LMF1: variants seen among roughly 807,000 people sequenced by gnomAD.
The protein encoded by LMF1 is transmembrane protein 112.
LMF1 carries 68 observed loss-of-function variants against 60.6 expected under a neutral mutation model. The observed-to-expected ratio is 1.12, with a 90% CI of 0.92 to 1.37. The LOEUF is 1.37. LMF1 is among the 40% of genes most tolerant of loss of function. LMF1 has a pLI of 0.00. For synonymous variants in LMF1, 418 were observed against 324.7 expected (o/e 1.29, Z -3.09); for missense variants, 948 against 767.2 (o/e 1.24, Z -2.78).
At chr16:879,132 A>G (rs1397014499) in intron 6 of LMF1, among the ~76,000 whole-genome samples, 2 of 152,116 alleles carry the variant, frequency 1.3e-5, no homozygotes, top group Non-Finnish European at 2.9e-5. Flanking sequence ...CCTCACCCAC[A>G]TGGAGGCAAA....
chr16:910,066 A>G (rs2071068871), intron 4 of LMF1, among the ~76,000 whole-genome samples: 1 of 152,232 alleles, frequency 6.6e-6, no homozygotes. Context: ...ATTCCAGCCC[A>G]AAATGAAAAT....
chr16:947,041 A>G (rs962298921), intron 2 of LMF1, among the ~76,000 whole-genome samples: 2 of 152,232 alleles, frequency 1.3e-5, no homozygotes, highest in Admixed American at 1.3e-4. Flanking sequence ...CAGGAGTCAG[A>G]TATCACAGAC....
At chr16:893,738 A>G (rs1284504300) in intron 4 of LMF1, among the ~76,000 whole-genome samples, 1 of 152,000 alleles carries the variant, frequency 6.6e-6, no homozygotes, top group Non-Finnish European at 1.5e-5. Flanking sequence ...GTCGGCTCCC[A>G]CACCCGTCTG....
At chr16:966,856 A>G (rs1596171651) in intron 1 of LMF1, among the ~76,000 whole-genome samples, 1 of 152,394 alleles carries the variant, frequency 6.6e-6, no homozygotes, top group East Asian at 1.9e-4. Context: ...AGTTCTCTGC[A>G]GTGAACTGCT....
intron 2 of LMF1, among the ~76,000 whole-genome samples, chr16:953,345 A>G (rs1274286198): frequency 7.9e-5 from 6 of 75,706 alleles, no homozygotes; most frequent in African/African-American, 1.5e-4. Flanking sequence ...CCAGCTTCCT[A>G]CACGTTCACA....
At chr16:937,941 G>C (rs894252895) in intron 2 of LMF1, among the ~76,000 whole-genome samples, 3 of 152,112 alleles carry the variant, frequency 2.0e-5, no homozygotes, top group Non-Finnish European at 4.4e-5. Context: ...ACCACGCCCA[G>C]GTTCCTGACT....
rs75476513 is a variant in LMF1 at position 854,301 on chromosome 16, G to C, written c.*231C>G. On this transcript the variant is annotated 3_prime_UTR_variant, in exon 11 of 11. Coordinates refer to ENST00000262301, the MANE Select transcript of LMF1 (RefSeq NM_022773.4). ...TGGATGGGAGATCAGAGCCCCTGGC[G>C]CCTGGGACAAGGGTTGGCCTGGATG... 8.7e-6 allele frequency: 6 copies of C among 686,426 alleles called. No individual in the cohort carries two copies. The highest frequency in any genetic ancestry group is 3.5e-5 in the African/African-American group (2 of 56,884). The allele number at this position is 686,426 out of a possible 1,614,324, so 42.5% of individuals were successfully genotyped here.
chr16:934,062 C>T, intron 3 of LMF1, 182 bp downstream of exon 3: 1 of 1,515,832 alleles, frequency 6.6e-7, no homozygotes, highest in Non-Finnish European at 8.8e-7. Context: ...CCCAGGAGCT[C>T]CCACATCCAG....
chr16:893,135 G>C, intron 4 of LMF1, 63 bp from the exon 5 acceptor site: 3 of 1,386,694 alleles, frequency 2.2e-6, no homozygotes, highest in Non-Finnish European at 3.0e-6. Flanking sequence ...GGCCCCGACA[G>C]AAACAGCTTC....
chr16:978,156 A>G (rs7404294), intron 1 of LMF1, among the ~76,000 whole-genome samples: 77,052 of 145,960 alleles, frequency 0.53, 21,938 homozygotes, highest in African/African-American at 0.76. Context: ...TCATACACAC[A>G]CACACACACC....
Position 868,970 on chromosome 16 carries a change from G to T in LMF1, c.1503C>A (p.Asn501Lys), listed in dbSNP as rs1596857029. ...DAEALSLLAH[N>K]PFAGRPPPRW... ...TGGGCGGGGGCCTGCCCGCGAAGGG[G>T]TTGTGTGCCAGCAGGGACAAGGCCT... The change falls in exon 10 of 11, where the codon AAC becomes AAA. Residue 501 changes from asparagine (N) to lysine (K), a missense_variant. Physicochemically the swap from Asn to Lys is moderately conservative, Grantham distance 94. Transcript: ENST00000262301. The T allele has an allele frequency of 1.9e-6, 3 of 1,612,010 alleles. No individual in the cohort carries two copies. The highest frequency in any genetic ancestry group is 2.2e-5 in the South Asian group (2 of 91,054).
intron 7 of LMF1, 27 bp from the exon 8 acceptor site, chr16:870,909 TG>T: frequency 6.3e-7 from 1 of 1,583,986 alleles, no homozygotes. Flanking sequence ...ATCTTCCAGG[TG>T]GGGCTCCCAG....
At chr16:940,696 C>A (rs12597461) in intron 2 of LMF1, among the ~76,000 whole-genome samples, 1 of 151,992 alleles carries the variant, frequency 6.6e-6, no homozygotes, top group Non-Finnish European at 1.5e-5. Flanking sequence ...GTCTCAGAAC[C>A]GCAACCGTGT....
At chr16:877,579 C>T (rs1033207591) in intron 6 of LMF1, among the ~76,000 whole-genome samples, 5 of 152,116 alleles carry the variant, frequency 3.3e-5, no homozygotes, top group African/African-American at 7.2e-5. Context: ...TGGAGAAACG[C>T]CACAACTCAA....
At chr16:900,729 G>GTTTGTT (rs1555455426) in intron 4 of LMF1, 5 of 79,302 alleles carry the variant, frequency 6.3e-5, no homozygotes, top group African/African-American at 2.5e-4. Flanking sequence ...GTGTGTGTGT[G>GTTTGTT]TGTTTTAGTA....
intron 2 of LMF1, among the ~76,000 whole-genome samples, chr16:940,504 C>G (rs1287606099): frequency 6.6e-6 from 1 of 152,088 alleles, no homozygotes; most frequent in Non-Finnish European, 1.5e-5. Flanking sequence ...CTGGGAAACC[C>G]CAAAGAGGAA....
rs193153073 is a variant in LMF1 at position 940,697 on chromosome 16, G to A, written c.504-6443C>T. 6.4e-4 allele frequency among the ~76,000 whole-genome samples: 98 copies of A among 152,328 alleles called. 1 individual carries two copies. The East Asian group carries it at 0.011, about 17-fold the overall frequency. Reference sequence around the variant, plus strand: ...GAGTGGGAGACGCAGTCTCAGAACCGCAACCGTGTTAAACCTACTGCAGCT... The same window carrying A: ...GAGTGGGAGACGCAGTCTCAGAACCACAACCGTGTTAAACCTACTGCAGCT... On this transcript the variant is annotated intron_variant, in intron 2 of 10. Transcript: ENST00000262301.
intron 4 of LMF1, among the ~76,000 whole-genome samples, chr16:893,856 C>T (rs909813342): frequency 1.3e-5 from 2 of 152,120 alleles, no homozygotes; most frequent in African/African-American, 4.8e-5. Flanking sequence ...AGATTCACAT[C>T]CAGCGTCTCT....
intron 3 of LMF1, among the ~76,000 whole-genome samples, chr16:932,457 G>T (rs188717273): frequency 6.6e-5 from 10 of 152,312 alleles, no homozygotes; most frequent in Admixed American, 2.0e-4. Context: ...TCGATTTTGC[G>T]ATCACTGCTC....
Sources: allele counts gnomAD v4.1 joint callset (sites outside exome capture counted in the v4.1 genomes callset), GRCh38; gene constraint gnomAD v4.1.1; transcripts MANE v1.5; gene names NCBI Gene and HGNC (gene_info 2026-07-23, HGNC 2026-07-21).